Variants in PLEKHG1 observed in about 807,000 individuals in gnomAD.
PLEKHG1 encodes the protein pleckstrin homology domain-containing family G member 1.
Under a neutral mutation model 100.8 loss-of-function variants are expected in PLEKHG1, and 44 were observed. That is an observed-to-expected ratio of 0.44 (90% CI 0.34 to 0.56). The LOEUF is 0.56. PLEKHG1 is among the 20% of genes least tolerant of loss of function. PLEKHG1 has a pLI of 0.01. For missense variants in PLEKHG1, 1,545 were observed against 1,720.9 expected (o/e 0.90, Z 1.81); for synonymous variants, 640 against 662.5 (o/e 0.97, Z 0.52).
exon 2 of PLEKHG1, chr6:150,733,704 G>A (rs992933982): frequency 6.2e-7 from 1 of 1,614,144 alleles, no homozygotes; most frequent in Non-Finnish European, 8.5e-7. Flanking sequence ...GATAGTGACC[G>A]ACCCGTCAGC....
intron 3 of PLEKHG1, among the ~76,000 whole-genome samples, chr6:150,656,110 A>T (rs556458698): frequency 2.6e-5 from 4 of 152,094 alleles, no homozygotes; most frequent in African/African-American, 9.6e-5. Flanking sequence ...AAATAAAAAA[A>T]AATCAACCAA....
At chr6:150,780,248 G>A (rs987591265) in intron 3 of PLEKHG1, among the ~76,000 whole-genome samples, 7 of 149,180 alleles carry the variant, frequency 4.7e-5, no homozygotes, top group East Asian at 2.0e-4. Flanking sequence ...TGATTCTTCC[G>A]CCTCGACCTC....
chr6:150,752,684 G>A (rs920335849), intron 2 of PLEKHG1, among the ~76,000 whole-genome samples: 2 of 152,134 alleles, frequency 1.3e-5, no homozygotes, highest in Non-Finnish European at 2.9e-5. Flanking sequence ...TCCCTTAACC[G>A]AGGTAAGATG....
Position 150,777,090 on chromosome 6 carries a change from CAT to C in PLEKHG1, c.512+8353_512+8354del, listed in dbSNP as rs550279505. Among the ~76,000 whole-genome samples, 665 of 150,734 alleles carry C rather than the reference CAT, an allele frequency of 4.4e-3. 3 individuals are homozygous for C. Among genetic ancestry groups the C allele is most frequent in the African/African-American group, 0.016 (637 of 40,908 alleles). On this transcript the variant is annotated intron_variant, in intron 3 of 15. Transcript: ENST00000358517. ...ATTACACTGATGCAATCCTGGTGCA[CAT>C]GTGCGGTTGCACATCAGTCACACTG...
chr6:150,732,772 C>T lies in PLEKHG1; in HGVS notation c.-98-812C>T, dbSNP rs575666313. Among the ~76,000 whole-genome samples, 22 of 152,272 alleles carry T rather than the reference C, an allele frequency of 1.4e-4. No homozygotes were observed. In the South Asian group the frequency reaches 1.7e-3, roughly 11 times the overall value. On this transcript the variant is annotated intron_variant, in intron 1 of 15. Transcript: ENST00000358517. ...AGCTAATTTTTGTGTTTTTTAGTAG[C>T]GACACGGTTTTGCCATGTTGGCCAG...
intron 1 of PLEKHG1, among the ~76,000 whole-genome samples, chr6:150,603,094 T>TA (rs1456634355): frequency 3.4e-5 from 4 of 118,146 alleles, no homozygotes; most frequent in South Asian, 2.7e-4. Flanking sequence ...AAAAAAAAAA[T>TA]AAAAAAAAAG....
chr6:150,666,118 C>T (rs1562422276), intron 3 of PLEKHG1, among the ~76,000 whole-genome samples: 2 of 152,190 alleles, frequency 1.3e-5, no homozygotes, highest in Non-Finnish European at 2.9e-5. Context: ...CTTCTGAGTC[C>T]TTCCTCTACC....
chr6:150,759,726 C>T (rs1011819449), intron 2 of PLEKHG1, among the ~76,000 whole-genome samples: 1 of 152,058 alleles, frequency 6.6e-6, no homozygotes, highest in Admixed American at 6.5e-5. Context: ...TGATGATTGC[C>T]GGGTGTGGTA....
chr6:150,706,293 T>G (rs1255585706), intron 3 of PLEKHG1, among the ~76,000 whole-genome samples: 2 of 152,160 alleles, frequency 1.3e-5, no homozygotes, highest in Non-Finnish European at 2.9e-5. Context: ...TGGTTTGTCT[T>G]GATGTTCCAT....
chr6:150,702,085 A>G (rs545181682), intron 3 of PLEKHG1, among the ~76,000 whole-genome samples: 17 of 152,364 alleles, frequency 1.1e-4, no homozygotes, highest in African/African-American at 4.1e-4. Context: ...GAGCGATTAT[A>G]CTTTTAAAAT....
intron 1 of PLEKHG1, among the ~76,000 whole-genome samples, chr6:150,602,018 A>G (rs549565698): frequency 6.6e-6 from 1 of 152,358 alleles, no homozygotes; most frequent in East Asian, 1.9e-4. Context: ...AAGTGGCAAC[A>G]TAATTTTTCA....
intron 1 of PLEKHG1, among the ~76,000 whole-genome samples, chr6:150,730,886 G>A (rs1315203308): frequency 6.7e-6 from 1 of 148,740 alleles, no homozygotes; most frequent in East Asian, 2.0e-4. Flanking sequence ...TGGGTGACAA[G>A]AGCAAACTCT....
chr6:150,722,923 G>A (rs1781773824), intron 1 of PLEKHG1, among the ~76,000 whole-genome samples: 1 of 152,164 alleles, frequency 6.6e-6, no homozygotes, highest in Non-Finnish European at 1.5e-5. Flanking sequence ...ACTGTTCAAA[G>A]CAAAGCTGGA....
intron 2 of PLEKHG1, among the ~76,000 whole-genome samples, chr6:150,640,434 TCC>T (rs1372946840): frequency 6.6e-6 from 1 of 152,178 alleles, no homozygotes; most frequent in East Asian, 1.9e-4. Flanking sequence ...AGCAAACGTG[TCC>T]CCATCTTAAT....
At chr6:150,806,439 C>T (rs188511041) in intron 7 of PLEKHG1, among the ~76,000 whole-genome samples, 39 of 152,100 alleles carry the variant, frequency 2.6e-4, no homozygotes, top group Admixed American at 2.4e-3. Flanking sequence ...AATCCCTACA[C>T]TTTGGGAGGC....
At chr6:150,800,815 G>A (rs142532650) in exon 6 of PLEKHG1, 3 of 1,613,834 alleles carry the variant, frequency 1.9e-6, no homozygotes, top group African/African-American at 2.7e-5. Context: ...TGCCTCTGGG[G>A]TCCTATCTCT....
chr6:150,799,492 G>A (rs938222000), intron 5 of PLEKHG1, among the ~76,000 whole-genome samples: 5 of 152,138 alleles, frequency 3.3e-5, no homozygotes, highest in African/African-American at 7.2e-5. Context: ...CAAGACTTCC[G>A]GGAACCTGGA....
At chr6:150,742,614 A>G (rs1201567073) in intron 2 of PLEKHG1, among the ~76,000 whole-genome samples, 1 of 148,882 alleles carries the variant, frequency 6.7e-6, no homozygotes, top group African/African-American at 2.5e-5. Flanking sequence ...GGGCCCGCAC[A>G]CTCAACCAGA....
rs1776904836 is a variant in PLEKHG1 at position 150,831,188 on chromosome 6, C to T, written c.2077C>T (p.Pro693Ser). Residue 693 changes from proline to serine, a missense_variant, in exon 15 of 16, where the codon CCC (proline) becomes TCC (serine). Pro to Ser is a moderately conservative substitution (Grantham distance 74, BLOSUM62 -1). Coordinates refer to ENST00000358517, the Ensembl canonical transcript of PLEKHG1. This position sits in a 1 kb window ranked among gnomAD's most constrained non-coding sequence, Gnocchi z 4.1. ...TAAATCAGCCAGGGACTCCGTTCGC[C>T]CCAAGAGCACCCCAGAGTTAGCCTT... The T allele has an allele frequency of 6.2e-7, 1 of 1,614,126 alleles. No individual in the cohort carries two copies. The highest frequency in any genetic ancestry group is 1.3e-5 in the African/African-American group (1 of 75,044).
Sources: gnomAD v4.1 joint callset for allele counts (sites outside exome capture counted in the v4.1 genomes callset) on GRCh38, gnomAD v4.1.1 for gene constraint, Gnocchi (gnomAD v3.1) non-coding constraint, MANE v1.5 for transcripts, NCBI Gene and HGNC (gene_info 2026-07-23, HGNC 2026-07-21) for gene names.